The following CLPB variants were observed in gnomAD, a reference collection of about 807,000 sequenced individuals.
The protein encoded by CLPB is ClpB family mitochondrial disaggregase.
Under a neutral mutation model 78.4 loss-of-function variants are expected in CLPB, and 40 were observed. The ratio of observed to expected loss-of-function variants is 0.51; its 90% confidence interval spans 0.40 to 0.66. CLPB has a LOEUF of 0.66. Among genes scored for constraint, CLPB ranks in the 30% least tolerant of loss-of-function variants. The pLI, the probability that CLPB is intolerant of heterozygous loss-of-function variation, is 0.00. For missense variants in CLPB, 780 were observed against 886.9 expected, an observed-to-expected ratio of 0.88 and a Z score of 1.53; for synonymous variants, 333 against 348.0, an observed-to-expected ratio of 0.96 and a Z score of 0.48.
chr11:72,417,880 C>A (rs929885345), intron 2 of CLPB, among the ~76,000 whole-genome samples: 6 of 152,176 alleles, frequency 3.9e-5, no homozygotes, highest in Non-Finnish European at 8.8e-5. Flanking sequence ...ACTCTTGAGC[C>A]CTTGGGAATT....
At chr11:72,352,614 A>G (rs1950634521) in intron 5 of CLPB, 1 of 152,228 alleles carries the variant, frequency 6.6e-6, no homozygotes, top group Non-Finnish European at 1.5e-5. Flanking sequence ...TCAAGATTTA[A>G]AAGGTCTTTT....
chr11:72,294,295 C>T (rs753352041), intron 14 of CLPB, 30 bp downstream of exon 14: 24 of 1,614,004 alleles, frequency 1.5e-5, no homozygotes, highest in African/African-American at 2.7e-5. Flanking sequence ...CTGGCTATCC[C>T]GCCCCCACCC....
At chr11:72,309,811 C>T (rs1949812320) in intron 7 of CLPB, among the ~76,000 whole-genome samples, 1 of 152,170 alleles carries the variant, frequency 6.6e-6, no homozygotes, top group South Asian at 2.1e-4. Context: ...ATCTGGTCCC[C>T]AGGGTGTCAG....
intron 3 of CLPB, among the ~76,000 whole-genome samples, chr11:72,401,330 A>G (rs1265512490): frequency 6.6e-6 from 1 of 152,094 alleles, no homozygotes; most frequent in African/African-American, 2.4e-5. Context: ...AGTCCCAGCT[A>G]CTCGGGAGGC....
intron 2 of CLPB, among the ~76,000 whole-genome samples, chr11:72,427,919 G>A (rs1856434490): frequency 6.6e-6 from 1 of 152,300 alleles, no homozygotes; most frequent in Non-Finnish European, 1.5e-5. Context: ...AAGAAATAAA[G>A]AGCAGCATGA....
At chr11:72,408,165 A>C in intron 2 of CLPB, 1 of 1,535,670 alleles carries the variant, frequency 6.5e-7, no homozygotes, top group South Asian at 1.2e-5. Flanking sequence ...AGCCCTGCCC[A>C]GCTTCTTGAC....
chr11:72,295,289 G>C (rs572006626), intron 12 of CLPB, among the ~76,000 whole-genome samples: 5 of 152,166 alleles, frequency 3.3e-5, no homozygotes, highest in Non-Finnish European at 7.3e-5. Flanking sequence ...ACAGACTTGA[G>C]GCTTTCTTGA....
intron 4 of CLPB, among the ~76,000 whole-genome samples, chr11:72,376,561 TAA>T (rs61264751): frequency 3.8e-5 from 5 of 130,632 alleles, no homozygotes; most frequent in Non-Finnish European, 3.3e-5. Context: ...TAGAATTATT[TAA>T]AAAAAAAAAA....
intron 5 of CLPB, among the ~76,000 whole-genome samples, chr11:72,353,932 T>G (rs75969470): frequency 8.4e-6 from 1 of 118,410 alleles, no homozygotes; most frequent in Non-Finnish European, 1.7e-5. Context: ...ATGGTTAGAA[T>G]TTTTTTTTAA....
intron 9 of CLPB, 53 bp from the exon 10 acceptor site, chr11:72,302,401 GA>G: frequency 6.5e-7 from 1 of 1,538,314 alleles, no homozygotes; most frequent in South Asian, 1.1e-5. Flanking sequence ...AAAGTGAAGA[GA>G]AGGGTTAGGG....
chr11:72,293,174 G>T lies in CLPB; in HGVS notation c.*193C>A. 1 of 648,878 alleles carries T rather than the reference G, an allele frequency of 1.5e-6. No homozygotes were observed. The highest frequency in any genetic ancestry group is 2.6e-6 in the Non-Finnish European group (1 of 383,886). The allele number at this position is 648,878 out of a possible 1,614,324, so 40.2% of individuals were successfully genotyped here. A position where few individuals can be genotyped will look rare whatever the true frequency, so the allele number is the denominator to read the frequency against. On this transcript the variant is annotated 3_prime_UTR_variant, in exon 16 of 16. Coordinates refer to ENST00000538039, the MANE Select transcript of CLPB (RefSeq NM_001258392.3). Reference sequence around the variant, plus strand: ...GCAGGTTATGGGCCCACAACAAAGGGGCCAGAGTAGGGCGAAATTCCTCCT... The same window carrying T: ...GCAGGTTATGGGCCCACAACAAAGGTGCCAGAGTAGGGCGAAATTCCTCCT...
At chr11:72,413,325 A>T (rs1201670254) in intron 2 of CLPB, among the ~76,000 whole-genome samples, 3 of 151,914 alleles carry the variant, frequency 2.0e-5, no homozygotes, top group Non-Finnish European at 4.4e-5. Flanking sequence ...ACAAATAAAT[A>T]AATAGCCTTC....
chr11:72,405,010 G>T (rs574175184), intron 2 of CLPB, among the ~76,000 whole-genome samples: 2 of 152,148 alleles, frequency 1.3e-5, no homozygotes, highest in African/African-American at 2.4e-5. Context: ...GGTAGAGAGC[G>T]CATGGTTCTG....
At chr11:72,430,426 G>T in intron 1 of CLPB, 63 bp from the exon 2 acceptor site, 1 of 1,481,788 alleles carries the variant, frequency 6.7e-7, no homozygotes, top group Non-Finnish European at 9.3e-7. Flanking sequence ...AGGACTGCGT[G>T]GAGGGCCCAC....
At chr11:72,392,818 C>T (rs1406858333) in intron 3 of CLPB, among the ~76,000 whole-genome samples, 1 of 152,172 alleles carries the variant, frequency 6.6e-6, no homozygotes, top group African/African-American at 2.4e-5. Flanking sequence ...CCAGGTCTGT[C>T]TGAGTCTAAA....
chr11:72,424,375 C>CTG (rs1020053964), intron 2 of CLPB, among the ~76,000 whole-genome samples: 1 of 152,176 alleles, frequency 6.6e-6, no homozygotes, highest in Admixed American at 6.5e-5. Context: ...CATTATTTTC[C>CTG]TGTAGTTCCT....
Position 72,328,754 on chromosome 11 carries a change from G to T in CLPB, c.873+953C>A, listed in dbSNP as rs573650104. Among the ~76,000 whole-genome samples, 266 of 152,350 alleles carry T rather than the reference G, an allele frequency of 1.7e-3. 3 individuals carry two copies. The South Asian group carries it at 0.024, about 14-fold the overall frequency. On this transcript the variant is annotated intron_variant, in intron 6 of 15. Transcript: ENST00000538039. ...AACCTACCACATGACCTGTAGTCAA[G>T]CCTATTATGTTCAGTTTTGATGCTA...
intron 5 of CLPB, chr11:72,353,066 G>A (rs1950642148): frequency 6.6e-6 from 1 of 152,266 alleles, no homozygotes; most frequent in African/African-American, 2.4e-5. Flanking sequence ...AGTGCCGCCA[G>A]ATGGACAGAC....
In CLPB at chr11:72,422,280, A is replaced by G. The variant is rs986894491; in HGVS notation, c.455+8032T>C. Among the ~76,000 whole-genome samples, 5 of 151,168 alleles carry G rather than the reference A, an allele frequency of 3.3e-5. No homozygotes were observed. In the East Asian group the frequency reaches 9.7e-4, roughly 29 times the overall value. On this transcript the variant is annotated intron_variant, in intron 2 of 15. Transcript: ENST00000538039. ...GACTCCGTCTCAAAAAAAAAAAAAA[A>G]AAAAAAAAAAACTAGGGAACTGTAT...
Sources: allele counts gnomAD v4.1 joint callset (sites outside exome capture counted in the v4.1 genomes callset), GRCh38; gene constraint gnomAD v4.1.1; transcripts MANE v1.5; gene names NCBI Gene and HGNC (gene_info 2026-07-23, HGNC 2026-07-21).